Variants in UBAP1 observed in about 807,000 individuals in gnomAD.
UBAP1 encodes ubiquitin associated protein 1, also known as ubiquitin-associated protein 1.
UBAP1 carries 5 observed loss-of-function variants against 39.0 expected under a neutral mutation model. That is an observed-to-expected ratio of 0.13 (90% CI 0.07 to 0.27). The LOEUF (loss-of-function observed/expected upper bound fraction) is 0.27. Ranked by LOEUF, UBAP1 falls within the 10% of genes least tolerant of loss-of-function variation. The probability of loss-of-function intolerance (pLI) is 1.00; values close to 1 mark genes in which losing one functional copy is unlikely to be tolerated. For missense variants in UBAP1, 490 were observed against 608.1 expected, an observed-to-expected ratio of 0.81 and a Z score of 2.04; for synonymous variants, 211 against 225.1, an observed-to-expected ratio of 0.94 and a Z score of 0.56.
chr9:34,180,874 G>C (rs1377208776), intron 1 of UBAP1, among the ~76,000 whole-genome samples: 2 of 142,788 alleles, frequency 1.4e-5, no homozygotes, highest in African/African-American at 5.2e-5. Flanking sequence ...GCAGTGGCGC[G>C]ATCTTGGCTT....
chr9:34,183,152 C>T (rs1830185080), intron 1 of UBAP1, among the ~76,000 whole-genome samples: 1 of 151,944 alleles, frequency 6.6e-6, no homozygotes, highest in Admixed American at 6.6e-5. Context: ...ATCTTTTTTC[C>T]TACAGATTCA....
chr9:34,226,120 TG>T (rs1833057290), intron 2 of UBAP1, among the ~76,000 whole-genome samples: 2 of 91,526 alleles, frequency 2.2e-5, no homozygotes, highest in African/African-American at 3.1e-5. Flanking sequence ...TGTGTGTGTG[TG>T]TGTGTGTGTG....
chr9:34,229,834 G>A (rs749216609), intron 2 of UBAP1, among the ~76,000 whole-genome samples: 1 of 151,754 alleles, frequency 6.6e-6, no homozygotes, highest in African/African-American at 2.4e-5. Context: ...ACCATGCTTG[G>A]CCCCTAATTT....
At chr9:34,242,245 TAC>T in intron 4 of UBAP1, 137 bp downstream of exon 4, 3 of 867,066 alleles carry the variant, frequency 3.5e-6, no homozygotes, top group Non-Finnish European at 5.2e-6. Flanking sequence ...GGTGTGATCG[TAC>T]CTTATTGTAG....
intron 1 of UBAP1, among the ~76,000 whole-genome samples, chr9:34,216,903 T>C (rs1832353647): frequency 6.6e-6 from 1 of 151,998 alleles, no homozygotes; most frequent in African/African-American, 2.4e-5. Flanking sequence ...AAATATAGAA[T>C]ATATTATTGT....
At chr9:34,199,813 T>TC (rs1480443448) in intron 1 of UBAP1, among the ~76,000 whole-genome samples, 2 of 150,304 alleles carry the variant, frequency 1.3e-5, no homozygotes, top group African/African-American at 4.9e-5. Context: ...TTTTTTTTTT[T>TC]TTTTTTTTGT....
At chr9:34,245,701 GAC>G (rs1834144996) in intron 4 of UBAP1, among the ~76,000 whole-genome samples, 1 of 78,184 alleles carries the variant, frequency 1.3e-5, no homozygotes, top group African/African-American at 5.5e-5. Flanking sequence ...TCTGATCACT[GAC>G]TGTGTGTATC....
chr9:34,202,907 T>C (rs140540077), intron 1 of UBAP1, among the ~76,000 whole-genome samples: 90 of 152,202 alleles, frequency 5.9e-4, no homozygotes, highest in African/African-American at 2.1e-3. Flanking sequence ...AATATTCATG[T>C]TTTCTCAATT....
chr9:34,182,790 AAGCTCCGCCTCCTG>A, intron 1 of UBAP1, among the ~76,000 whole-genome samples: 1 of 150,696 alleles, frequency 6.6e-6, no homozygotes, highest in Admixed American at 6.6e-5. Context: ...TGCTCACTGC[AAGCTCCGCCTCCTG>A]GGTTCACGCC....
At chr9:34,230,715 G>A (rs185595155) in intron 2 of UBAP1, among the ~76,000 whole-genome samples, 2 of 152,208 alleles carry the variant, frequency 1.3e-5, no homozygotes, top group East Asian at 1.9e-4. Context: ...GATGGCACCC[G>A]GCACTTTTTT....
chr9:34,183,760 T>G (rs1232805088), intron 1 of UBAP1, among the ~76,000 whole-genome samples: 2 of 151,432 alleles, frequency 1.3e-5, no homozygotes, highest in South Asian at 2.1e-4. Context: ...ATTTCTTTTT[T>G]TTTGTTTGTT....
At chr9:34,195,018 C>T (rs973946078) in intron 1 of UBAP1, among the ~76,000 whole-genome samples, 1 of 152,170 alleles carries the variant, frequency 6.6e-6, no homozygotes, top group Non-Finnish European at 1.5e-5. Context: ...TGCTCAAACT[C>T]ACTTTATTCA....
At chr9:34,182,750 G>A (rs1563881517) in intron 1 of UBAP1, among the ~76,000 whole-genome samples, 2 of 141,438 alleles carry the variant, frequency 1.4e-5, no homozygotes, top group Non-Finnish European at 3.0e-5. Flanking sequence ...TCACTCAGTC[G>A]CCCAGGCTGG....
At chr9:34,207,327 T>A (rs1036971019) in intron 1 of UBAP1, among the ~76,000 whole-genome samples, 5 of 150,644 alleles carry the variant, frequency 3.3e-5, no homozygotes, top group Non-Finnish European at 7.4e-5. Context: ...ATTACAGGTG[T>A]GGGTCACCAC....
At chr9:34,183,855 C>T (rs1215062382) in intron 1 of UBAP1, among the ~76,000 whole-genome samples, 1 of 151,160 alleles carries the variant, frequency 6.6e-6, no homozygotes, top group Non-Finnish European at 1.5e-5. Context: ...ACCGCAACTG[C>T]CGCCTCCCGG....
chr9:34,206,525 A>G (rs1424778962), intron 1 of UBAP1, among the ~76,000 whole-genome samples: 2 of 148,664 alleles, frequency 1.3e-5, no homozygotes, highest in Non-Finnish European at 3.0e-5. Context: ...AAAGAAAAGA[A>G]AAAAGTAAGA....
chr9:34,231,489 G>A (rs1406259967), intron 2 of UBAP1, among the ~76,000 whole-genome samples: 1 of 151,920 alleles, frequency 6.6e-6, no homozygotes, highest in African/African-American at 2.4e-5. Context: ...GATTACAGGC[G>A]TGAGCCACCG....
At position 34,179,074 on chromosome 9, in the gene UBAP1, C is replaced by T. The variant is rs993140598; in HGVS notation, c.-174C>T. On this transcript the variant is annotated 5_prime_UTR_variant, in exon 1 of 7. Coordinates refer to ENST00000297661, the MANE Select transcript of UBAP1 (RefSeq NM_016525.5). ...TAGGACTTCAACATGGCGGCTGCGG[C>T]ACTGGCGGTGGCTACGGTGACGGCC... The T allele has an allele frequency of 2.3e-6, 3 of 1,277,310 alleles. No homozygotes were observed. The highest frequency in any genetic ancestry group is 2.7e-5 in the South Asian group (1 of 37,162). The allele number at this position is 1,277,310 out of a possible 1,614,324, so 79.1% of individuals were successfully genotyped here.
chr9:34,241,468 C>T lies in UBAP1; in HGVS notation c.443C>T (p.Pro148Leu), dbSNP rs141469627. 3 of 1,612,768 alleles carry T rather than the reference C, an allele frequency of 1.9e-6. No homozygotes were observed. The highest frequency in any genetic ancestry group is 2.5e-6 in the Non-Finnish European group (3 of 1,179,232). Residue 148 changes from proline (P) to leucine (L), a missense_variant, in exon 4 of 7, where the codon CCT (proline) becomes CTT (leucine). Physicochemically the swap from Pro to Leu is moderately conservative, Grantham distance 98. Transcript: ENST00000297661. ...ACGAAACAGAAAGTTCTCAGCCCAC[C>T]TCACATAAAGGCGGATTTCAATCTT... The part of the protein sequence containing the change: ...SATKQKVLSP[P>L]HIKADFNLAD...
Sources: allele counts gnomAD v4.1 joint callset (sites outside exome capture counted in the v4.1 genomes callset), GRCh38; gene constraint gnomAD v4.1.1; transcripts MANE v1.5; gene names NCBI Gene and HGNC (gene_info 2026-07-23, HGNC 2026-07-21).